XKR6: variants seen among roughly 807,000 people sequenced by gnomAD.
The protein encoded by XKR6 is XK-related protein 6.
In XKR6, 22 loss-of-function variants were observed where a neutral mutation model predicts 56.7. That is an observed-to-expected ratio of 0.39 (90% CI 0.28 to 0.55). The LOEUF (loss-of-function observed/expected upper bound fraction) is 0.55, where lower values mean the gene tolerates loss of function less well. Ranked by LOEUF, XKR6 falls within the 20% of genes least tolerant of loss-of-function variation. The pLI is 0.66. For missense variants in XKR6, 852 were observed against 889.0 expected (o/e 0.96, Z 0.53); for synonymous variants, 524 against 387.8 (o/e 1.35, Z -4.13).
chr8:10,974,478 T>C (rs1802496046), intron 1 of XKR6, among the ~76,000 whole-genome samples: 1 of 152,180 alleles, frequency 6.6e-6, no homozygotes. Context: ...TGACCAATCC[T>C]AAGCCTGGGC....
chr8:11,182,596 C>A (rs547159737), intron 1 of XKR6, among the ~76,000 whole-genome samples: 48 of 152,290 alleles, frequency 3.2e-4, no homozygotes, highest in Admixed American at 1.3e-3. Context: ...TTAAGTTGGG[C>A]AACAGTCCTA....
At chr8:10,967,640 G>T (rs1449870344) in intron 1 of XKR6, among the ~76,000 whole-genome samples, 2 of 152,220 alleles carry the variant, frequency 1.3e-5, no homozygotes, top group African/African-American at 2.4e-5. Context: ...AACAAGAGGT[G>T]GGGAGGGTTG....
chr8:10,897,842 G>T lies in XKR6; in HGVS notation c.*110C>A, dbSNP rs1799927351. On this transcript the variant is annotated 3_prime_UTR_variant, in exon 3 of 3. Coordinates refer to ENST00000416569, the MANE Select transcript of XKR6 (RefSeq NM_173683.4). ...TGGTGTTGGTGTGGCGGTGTTGGTG[G>T]TGGTGGCGGTGGTTCTGTGTATTGG... 3 of 1,367,322 alleles carry T rather than the reference G, an allele frequency of 2.2e-6. No individual in the cohort carries two copies. The highest frequency in any genetic ancestry group is 3.2e-5 in the South Asian group (2 of 62,746). The allele number at this position is 1,367,322 out of a possible 1,614,324, so 84.7% of individuals were successfully genotyped here.
chr8:11,017,808 G>A (rs974426109), intron 1 of XKR6, among the ~76,000 whole-genome samples: 1 of 152,192 alleles, frequency 6.6e-6, no homozygotes. Context: ...GGAATAGAGG[G>A]CCTGGTTCCT....
rs529470222 is a variant in XKR6, at chr8:11,106,271, G to A, written c.764+94305C>T. 8 of 152,078 alleles carry A rather than the reference G, an allele frequency of 5.3e-5. No homozygotes were observed. In the East Asian group the frequency reaches 1.4e-3, roughly 26 times the overall value. 9.4% of individuals were successfully genotyped at this position (152,078 alleles called of 1,614,324 possible). ...ATCTTGCTTTCAAAATCTTATTGACGTGACCACCTTCCCTGCACATGATTA... is the reference window on the plus strand; with the variant it reads ...ATCTTGCTTTCAAAATCTTATTGACATGACCACCTTCCCTGCACATGATTA... On this transcript the variant is annotated intron_variant, in intron 1 of 2. Coordinates refer to ENST00000416569, the MANE Select transcript of XKR6 (RefSeq NM_173683.4).
At chr8:11,013,970 C>A (rs10216563) in intron 1 of XKR6, among the ~76,000 whole-genome samples, 3 of 152,162 alleles carry the variant, frequency 2.0e-5, no homozygotes, top group Non-Finnish European at 4.4e-5. Context: ...CCAGTCACTG[C>A]GTTAAAAAGT....
At chr8:11,000,904 C>A (rs1165960721) in intron 1 of XKR6, among the ~76,000 whole-genome samples, 2 of 152,074 alleles carry the variant, frequency 1.3e-5, no homozygotes, top group East Asian at 3.9e-4. Flanking sequence ...GAGAGTATAT[C>A]CCTCCAGCCA....
At chr8:10,910,357 G>C (rs902325550) in intron 2 of XKR6, among the ~76,000 whole-genome samples, 1 of 152,156 alleles carries the variant, frequency 6.6e-6, no homozygotes, top group African/African-American at 2.4e-5. Flanking sequence ...TTCCCCCTGA[G>C]AAGTGGTGGG....
At chr8:11,190,238 G>GA (rs929375599) in intron 1 of XKR6, among the ~76,000 whole-genome samples, 6 of 143,912 alleles carry the variant, frequency 4.2e-5, no homozygotes, top group African/African-American at 1.6e-4. Context: ...AAAGAAAAAA[G>GA]AAAAAAGAAA....
chr8:11,190,131 T>A (rs554680976), intron 1 of XKR6, among the ~76,000 whole-genome samples: 1 of 138,930 alleles, frequency 7.2e-6, no homozygotes, highest in Non-Finnish European at 1.5e-5. Context: ...CACTCCAGCC[T>A]GGGCAACAAG....
chr8:10,944,780 G>C (rs369809452), intron 1 of XKR6, among the ~76,000 whole-genome samples: 37 of 152,254 alleles, frequency 2.4e-4, no homozygotes, highest in African/African-American at 7.5e-4. Flanking sequence ...GAAAAGGTGG[G>C]GGCCCAGCTG....
chr8:11,103,080 T>C (rs1421387195), intron 1 of XKR6, among the ~76,000 whole-genome samples: 1 of 152,330 alleles, frequency 6.6e-6, no homozygotes, highest in Non-Finnish European at 1.5e-5. Context: ...TAGTGTAAGA[T>C]GGAGTTTTAG....
At chr8:10,945,169 T>C (rs192780622) in intron 1 of XKR6, among the ~76,000 whole-genome samples, 4 of 152,282 alleles carry the variant, frequency 2.6e-5, no homozygotes, top group Admixed American at 2.6e-4. Context: ...CTCCAAGACG[T>C]TGCAAAAAAC....
rs546200868 is a variant in XKR6 at position 10,987,545 on chromosome 8, T to C, written c.765-62715A>G. On this transcript the variant is annotated intron_variant, in intron 1 of 2. Transcript: ENST00000416569. ...CTATGCACAAACCAACCCCTATCTC[T>C]CACCTGGATTACTGCTGTGCAGTGG... Among the ~76,000 whole-genome samples, 4 of 152,330 alleles carry C rather than the reference T, an allele frequency of 2.6e-5. No individual in the cohort carries two copies. In the South Asian group the frequency reaches 8.3e-4, roughly 32 times the overall value.
chr8:10,916,596 C>G (rs539455302), intron 2 of XKR6, among the ~76,000 whole-genome samples: 1 of 152,212 alleles, frequency 6.6e-6, no homozygotes, highest in Admixed American at 6.5e-5. Context: ...TCGGGCCCCT[C>G]GGCCCTCCCT....
intron 2 of XKR6, among the ~76,000 whole-genome samples, chr8:10,903,117 G>A (rs577975585): frequency 1.3e-5 from 2 of 152,234 alleles, no homozygotes; most frequent in African/African-American, 4.8e-5. Flanking sequence ...GGAGTGCATC[G>A]ATGAACATGT....
intron 1 of XKR6, among the ~76,000 whole-genome samples, chr8:10,981,944 CTAT>C (rs1270757960): frequency 3.3e-5 from 5 of 152,246 alleles, no homozygotes; most frequent in Non-Finnish European, 7.3e-5. Context: ...TGGATTAAGG[CTAT>C]TCACAATTCC....
intron 1 of XKR6, among the ~76,000 whole-genome samples, chr8:11,032,762 C>A (rs898516980): frequency 1.3e-5 from 2 of 152,150 alleles, no homozygotes; most frequent in Non-Finnish European, 2.9e-5. Flanking sequence ...CCCTCCAAGC[C>A]CTGCCTCCTG....
intron 1 of XKR6, among the ~76,000 whole-genome samples, chr8:10,969,738 G>A (rs557446942): frequency 4.6e-5 from 7 of 152,300 alleles, no homozygotes; most frequent in Non-Finnish European, 1.0e-4. Context: ...CACCCACTGG[G>A]GCTGAGCTGG....
Sources: gnomAD v4.1 joint callset for allele counts (sites outside exome capture counted in the v4.1 genomes callset) on GRCh38, gnomAD v4.1.1 for gene constraint, MANE v1.5 for transcripts, NCBI Gene and HGNC (gene_info 2026-07-23, HGNC 2026-07-21) for gene names.